Variants in PPIL6 observed in about 807,000 individuals in gnomAD.
The protein encoded by PPIL6 is probable inactive peptidyl-prolyl cis-trans isomerase-like 6.
Under a neutral mutation model 36.8 loss-of-function variants are expected in PPIL6, and 39 were observed. The ratio of observed to expected loss-of-function variants is 1.06; its 90% CI spans 0.82 to 1.38. The LOEUF is 1.38. PPIL6 is among the 40% of genes most tolerant of loss of function. PPIL6 has a pLI of 0.00. For synonymous variants in PPIL6, 123 were observed against 134.1 expected (o/e 0.92, Z 0.57); for missense variants, 368 against 379.1 (o/e 0.97, Z 0.24).
At chr6:109,421,079 C>T (rs1562266407) in intron 5 of PPIL6, among the ~76,000 whole-genome samples, 1 of 152,156 alleles carries the variant, frequency 6.6e-6, no homozygotes, top group Non-Finnish European at 1.5e-5. Flanking sequence ...TCAGGGAAAT[C>T]CACCCAGGTG....
At position 109,399,071 on chromosome 6, in the gene PPIL6, A is replaced by G. The variant is rs572263253; in HGVS notation, c.824+964T>C. Among the ~76,000 whole-genome samples, 50 of 151,194 alleles carry G rather than the reference A, an allele frequency of 3.3e-4. 1 individual carries two copies. The highest frequency in any genetic ancestry group is 6.3e-4 in the African/African-American group (26 of 41,046). ...TTCTTCAGTAGCTGGGACTACAGGC[A>G]CACACCACCACACCCAGCTAATTTT... On this transcript the variant is annotated intron_variant, in intron 7 of 7. Transcript: ENST00000521072.
chr6:109,391,258 A>T lies in PPIL6; in HGVS notation c.*1568T>A, dbSNP rs1380772286. 1.5e-5 allele frequency: 2 copies of T among 134,102 alleles called. No individual in the cohort carries two copies. The highest frequency in any genetic ancestry group is 5.6e-5 in the African/African-American group (2 of 35,928). 8.3% of individuals were successfully genotyped at this position (134,102 alleles called of 1,614,324 possible). ...AGCCGAGATTGTGCCACTGCACTCC[A>T]GCCTGGGCGACAGAGTGAGATTCCG... is the stretch of plus-strand genomic sequence containing the variant. On this transcript the variant is annotated 3_prime_UTR_variant, in exon 8 of 8. Coordinates refer to ENST00000521072, the MANE Select transcript of PPIL6 (RefSeq NM_173672.5).
intron 5 of PPIL6, among the ~76,000 whole-genome samples, chr6:109,425,530 C>T (rs1330660795): frequency 2.0e-5 from 3 of 152,090 alleles, no homozygotes; most frequent in Non-Finnish European, 2.9e-5. Flanking sequence ...GTGCGGATCA[C>T]CTGAGGTCAG....
Position 109,399,271 on chromosome 6 carries a change from C to T in PPIL6, c.824+764G>A, listed in dbSNP as rs143764212. On this transcript the variant is annotated intron_variant, in intron 7 of 7. Coordinates refer to ENST00000521072, the MANE Select transcript of PPIL6 (RefSeq NM_173672.5). ...TACAGGTGCATGCCACCACGCCTGG[C>T]TAATTTTTTGTATTTTTAGTGGAGA... Among the ~76,000 whole-genome samples, 1,284 of 152,150 alleles carry T rather than the reference C, an allele frequency of 8.4e-3. 16 individuals carry two copies. The highest frequency in any genetic ancestry group is 0.051 in the Middle Eastern group (15 of 294).
intron 6 of PPIL6, among the ~76,000 whole-genome samples, chr6:109,414,476 GC>G (rs1773153868): frequency 1.7e-4 from 18 of 107,078 alleles, no homozygotes; most frequent in African/African-American, 6.6e-4. Context: ...ATGTCTTTTA[GC>G]TTTTTTTTTT....
At chr6:109,405,351 A>T (rs1772755948) in intron 6 of PPIL6, among the ~76,000 whole-genome samples, 1 of 152,044 alleles carries the variant, frequency 6.6e-6, no homozygotes, top group African/African-American at 2.4e-5. Context: ...TTTCCCATTT[A>T]AAAAAAATTG....
At position 109,419,583 on chromosome 6, in the gene PPIL6, C is replaced by T. The variant is rs370277673; in HGVS notation, c.632-340G>A. On this transcript the variant is annotated intron_variant, in intron 5 of 7. Transcript: ENST00000521072. ...ACTAAAAACACAAAAATTAGCTGGG[C>T]GTGGTGGCATGTGCCTGTAATCCCA... 2.6e-5 allele frequency among the ~76,000 whole-genome samples: 4 copies of T among 151,920 alleles called. No homozygotes were observed. The East Asian group carries it at 5.8e-4, about 22-fold the overall frequency.
chr6:109,426,750 T>A (rs1225046468), intron 5 of PPIL6, 97 bp downstream of exon 5: 1 of 782,010 alleles, frequency 1.3e-6, no homozygotes, highest in Non-Finnish European at 1.9e-6. Flanking sequence ...TAATTTTAAG[T>A]ATATCTAATT....
At chr6:109,423,626 T>TTA (rs141078425) in intron 5 of PPIL6, among the ~76,000 whole-genome samples, 32 of 151,200 alleles carry the variant, frequency 2.1e-4, no homozygotes, top group South Asian at 6.3e-4. Context: ...CTCACCCATT[T>TTA]TATATATATA....
At chr6:109,400,502 T>C (rs1772484189) in intron 6 of PPIL6, among the ~76,000 whole-genome samples, 1 of 152,216 alleles carries the variant, frequency 6.6e-6, no homozygotes, top group South Asian at 2.1e-4. Context: ...CTCGTGCTGT[T>C]TTGGTATTTC....
chr6:109,435,813 T>C (rs1018744338), intron 2 of PPIL6, among the ~76,000 whole-genome samples: 2 of 152,066 alleles, frequency 1.3e-5, no homozygotes, highest in African/African-American at 4.8e-5. Context: ...TAATCCCAGC[T>C]ACTTGCGGGG....
At chr6:109,430,361 T>C (rs1254811152) in intron 3 of PPIL6, among the ~76,000 whole-genome samples, 3 of 151,706 alleles carry the variant, frequency 2.0e-5, no homozygotes, top group Non-Finnish European at 4.4e-5. Flanking sequence ...TTCATGACTA[T>C]CCTCTGCCAC....
intron 2 of PPIL6, among the ~76,000 whole-genome samples, chr6:109,433,669 T>C (rs1774287108): frequency 6.6e-6 from 1 of 152,212 alleles, no homozygotes; most frequent in Non-Finnish European, 1.5e-5. Context: ...TAAGGCCAGT[T>C]GAACCTAGTG....
At chr6:109,437,627 T>A (rs1774525396) in intron 1 of PPIL6, among the ~76,000 whole-genome samples, 2 of 141,768 alleles carry the variant, frequency 1.4e-5, no homozygotes, top group Admixed American at 7.7e-5. Flanking sequence ...TGACCTCAGC[T>A]CACTGCAACC....
At chr6:109,417,179 A>AG (rs1448428485) in intron 6 of PPIL6, among the ~76,000 whole-genome samples, 1 of 151,672 alleles carries the variant, frequency 6.6e-6, no homozygotes, top group African/African-American at 2.4e-5. Flanking sequence ...CTTAAAAAAA[A>AG]AAAAAAGAAA....
At chr6:109,432,184 G>A (rs908494364) in intron 2 of PPIL6, among the ~76,000 whole-genome samples, 2 of 152,138 alleles carry the variant, frequency 1.3e-5, no homozygotes, top group African/African-American at 4.8e-5. Context: ...TAAGACATGG[G>A]GTTCAATGCA....
At chr6:109,401,639 T>C (rs1280344807) in intron 6 of PPIL6, among the ~76,000 whole-genome samples, 1 of 152,180 alleles carries the variant, frequency 6.6e-6, no homozygotes, top group Non-Finnish European at 1.5e-5. Flanking sequence ...TCCTTATTCA[T>C]TTCAGTGAAA....
intron 5 of PPIL6, among the ~76,000 whole-genome samples, chr6:109,423,438 C>T (rs1026349571): frequency 2.0e-5 from 3 of 151,956 alleles, no homozygotes; most frequent in Admixed American, 6.6e-5. Flanking sequence ...AAATTTTCCT[C>T]TATCCATTTT....
chr6:109,393,034 C>G, intron 7 of PPIL6, 97 bp from the exon 8 acceptor site: 1 of 681,842 alleles, frequency 1.5e-6, no homozygotes, highest in East Asian at 2.6e-5. Context: ...ATAGCTAAGA[C>G]TATTTCCTAC....
Sources: gnomAD v4.1 joint callset for allele counts (sites outside exome capture counted in the v4.1 genomes callset) on GRCh38, gnomAD v4.1.1 for gene constraint, MANE v1.5 for transcripts, NCBI Gene and HGNC (gene_info 2026-07-23, HGNC 2026-07-21) for gene names.